MGAT4C: variants seen among roughly 807,000 people sequenced by gnomAD.
The protein encoded by MGAT4C is MGAT4 family member C.
A neutral mutation model predicts 40.1 loss-of-function variants in MGAT4C; 19 were observed. That is an observed-to-expected ratio of 0.47 (90% CI 0.33 to 0.70). MGAT4C has a LOEUF of 0.70. Among genes scored for constraint, MGAT4C ranks in the 30% least tolerant of loss-of-function variants. The pLI is 0.02. For synonymous variants in MGAT4C, 181 were observed against 187.1 expected (o/e 0.97, Z 0.27); for missense variants, 491 against 563.2 (o/e 0.87, Z 1.30).
At chr12:86,703,540 A>G (rs1950400360) in intron 2 of MGAT4C, among the ~76,000 whole-genome samples, 1 of 152,148 alleles carries the variant, frequency 6.6e-6, no homozygotes, top group South Asian at 2.1e-4. Flanking sequence ...GAAGGCCCAA[A>G]TGATTGGTAG....
chr12:86,000,310 A>T (rs1887159553), intron 2 of MGAT4C, among the ~76,000 whole-genome samples: 1 of 152,200 alleles, frequency 6.6e-6, no homozygotes, highest in Non-Finnish European at 1.5e-5. Flanking sequence ...CTTCAAAAAG[A>T]TCAATAAAAT....
chr12:86,530,278 A>G (rs1565829056), intron 2 of MGAT4C, among the ~76,000 whole-genome samples: 1 of 151,914 alleles, frequency 6.6e-6, no homozygotes, highest in South Asian at 2.1e-4. Flanking sequence ...CTAATTCTCC[A>G]GACTTCTATA....
In MGAT4C at chr12:86,535,736, C is replaced by G. The variant is rs553878966; in HGVS notation, c.-228-100471G>C. 2.6e-5 allele frequency among the ~76,000 whole-genome samples: 4 copies of G among 152,154 alleles called. No individual in the cohort carries two copies. The East Asian group carries it at 7.7e-4, about 29-fold the overall frequency. ...ATCACTAATAAGGCATCCAGAAATG[C>G]AAATACCTACATAAATTGTTCCTAT... On this transcript the variant is annotated intron_variant, in intron 2 of 7. Transcript: ENST00000548651.
chr12:86,736,487 A>G (rs1008386827), intron 1 of MGAT4C, among the ~76,000 whole-genome samples: 1 of 151,710 alleles, frequency 6.6e-6, no homozygotes, highest in African/African-American at 2.4e-5. Context: ...TCTTATTTGT[A>G]TAGTATATTA....
At chr12:86,313,994 A>T (rs1349063778) in intron 4 of MGAT4C, among the ~76,000 whole-genome samples, 6 of 152,212 alleles carry the variant, frequency 3.9e-5, no homozygotes, top group Non-Finnish European at 8.8e-5. Context: ...CAATGAATTA[A>T]ACTGAAATAT....
chr12:86,585,299 C>T (rs1356716570), intron 2 of MGAT4C, among the ~76,000 whole-genome samples: 1 of 151,334 alleles, frequency 6.6e-6, no homozygotes, highest in Admixed American at 6.6e-5. Flanking sequence ...TGATTCCAAA[C>T]TAAAATTCCT....
intron 3 of MGAT4C, among the ~76,000 whole-genome samples, chr12:86,415,711 C>G (rs902514449): frequency 1.3e-5 from 2 of 151,940 alleles, no homozygotes; most frequent in Admixed American, 6.6e-5. Context: ...GGGAATCTAT[C>G]AAGGAGAATT....
At chr12:86,586,918 G>T (rs1243667700) in intron 2 of MGAT4C, among the ~76,000 whole-genome samples, 10 of 151,968 alleles carry the variant, frequency 6.6e-5, no homozygotes, top group African/African-American at 1.2e-4. Context: ...TTCACTCTGA[G>T]GGTAGTTTCT....
At chr12:86,583,974 T>A (rs935797307) in intron 2 of MGAT4C, among the ~76,000 whole-genome samples, 3 of 151,084 alleles carry the variant, frequency 2.0e-5, no homozygotes, top group African/African-American at 7.3e-5. Flanking sequence ...ATACATTTAA[T>A]GTATATTATT....
chr12:86,407,007 A>G (rs2136241398), intron 3 of MGAT4C, among the ~76,000 whole-genome samples: 1 of 152,226 alleles, frequency 6.6e-6, no homozygotes, highest in East Asian at 1.9e-4. Flanking sequence ...GTTGTCACCT[A>G]TACTTCTGAC....
At chr12:86,440,329 C>A (rs1314714987) in intron 2 of MGAT4C, among the ~76,000 whole-genome samples, 1 of 151,902 alleles carries the variant, frequency 6.6e-6, no homozygotes, top group African/African-American at 2.4e-5. Flanking sequence ...TCAACACACA[C>A]AAACTGACAA....
intron 1 of MGAT4C, among the ~76,000 whole-genome samples, chr12:86,749,763 T>C (rs1951205931): frequency 6.6e-6 from 1 of 151,708 alleles, no homozygotes; most frequent in Non-Finnish European, 1.5e-5. Context: ...TTTAATGACT[T>C]CTACCTTTTT....
chr12:86,165,786 A>T (rs1367115461), intron 1 of MGAT4C, among the ~76,000 whole-genome samples: 1 of 152,182 alleles, frequency 6.6e-6, no homozygotes, highest in Non-Finnish European at 1.5e-5. Context: ...ATAATTAGAA[A>T]ATGTAATGGT....
chr12:86,434,698 G>C (rs2136272497), intron 3 of MGAT4C, among the ~76,000 whole-genome samples: 2 of 151,978 alleles, frequency 1.3e-5, no homozygotes, highest in East Asian at 3.9e-4. Context: ...AATATAAAAA[G>C]AGAATAGAGT....
chr12:86,046,688 G>A (rs1013931993), intron 2 of MGAT4C, among the ~76,000 whole-genome samples: 1 of 152,114 alleles, frequency 6.6e-6, no homozygotes, highest in Admixed American at 6.6e-5. Context: ...AGCAACTTTC[G>A]AGAACAACTG....
intron 4 of MGAT4C, among the ~76,000 whole-genome samples, chr12:86,325,978 T>C (rs1954517903): frequency 6.6e-6 from 1 of 152,170 alleles, no homozygotes; most frequent in Admixed American, 6.5e-5. Flanking sequence ...AATGGCAAGG[T>C]TAATATTGCT....
chr12:86,316,337 AC>A (rs1410913753), intron 4 of MGAT4C, among the ~76,000 whole-genome samples: 1 of 152,212 alleles, frequency 6.6e-6, no homozygotes, highest in Non-Finnish European at 1.5e-5. Context: ...AAACAGAACT[AC>A]CATTCAGCAC....
chr12:86,204,325 A>G (rs1950174129), intron 1 of MGAT4C, among the ~76,000 whole-genome samples: 1 of 152,096 alleles, frequency 6.6e-6, no homozygotes, highest in Admixed American at 6.5e-5. Context: ...GATGATATAA[A>G]ATAATTCTCG....
At chr12:86,392,776 A>G (rs923424974) in intron 3 of MGAT4C, among the ~76,000 whole-genome samples, 18 of 152,244 alleles carry the variant, frequency 1.2e-4, no homozygotes, top group Non-Finnish European at 2.1e-4. Context: ...ATGTGTAAAT[A>G]TATGTTTGAA....
Sources: gnomAD v4.1 joint callset for allele counts (sites outside exome capture counted in the v4.1 genomes callset) on GRCh38, gnomAD v4.1.1 for gene constraint, MANE v1.5 for transcripts, NCBI Gene and HGNC (gene_info 2026-07-23, HGNC 2026-07-21) for gene names.